EPHB3: variants seen among roughly 807,000 people sequenced by gnomAD.
EPHB3 encodes the protein EPH receptor B3, also known as ephrin type-B receptor 3.
In EPHB3, 33 loss-of-function variants were observed where a neutral mutation model predicts 100.2. That is an observed-to-expected ratio of 0.33 (90% CI 0.25 to 0.44). The LOEUF is 0.44. Among genes scored for constraint, EPHB3 ranks in the 20% least tolerant of loss-of-function variants. The probability of loss-of-function intolerance (pLI) is 1.00; values close to 1 mark genes in which losing one functional copy is unlikely to be tolerated. For missense variants in EPHB3, 1,045 were observed against 1,378.3 expected, an observed-to-expected ratio of 0.76 and a Z score of 3.83; for synonymous variants, 526 against 554.7, an observed-to-expected ratio of 0.95 and a Z score of 0.73.
At chr3:184,576,515 T>G (rs1460572325) in intron 4 of EPHB3, among the ~76,000 whole-genome samples, 1 of 152,024 alleles carries the variant, frequency 6.6e-6, no homozygotes, top group Non-Finnish European at 1.5e-5. Context: ...CACAACCTGG[T>G]GGGAGAAATA....
Position 184,578,676 on chromosome 3 carries a change from G to A in EPHB3, c.1801+210G>A, listed in dbSNP as rs3888139. 0.33 allele frequency among the ~76,000 whole-genome samples: 49,813 copies of A among 152,022 alleles called. 8,816 individuals are homozygous for A. The highest frequency in any genetic ancestry group is 0.45 in the African/African-American group (18,619 of 41,422). ...TGCTAGCCCCAGAAATGACTGAGAC[G>A]TGACCTCTCCCCCTAAAGGCAGTTA... On this transcript the variant is annotated intron_variant, in intron 9 of 15. Coordinates refer to ENST00000330394, the MANE Select transcript of EPHB3 (RefSeq NM_004443.4). The surrounding 1 kb of genome is among the most constrained non-coding windows in gnomAD (Gnocchi z 4.7).
chr3:184,570,438 G>A (rs1714510290), intron 1 of EPHB3, among the ~76,000 whole-genome samples: 1 of 152,168 alleles, frequency 6.6e-6, no homozygotes, highest in Non-Finnish European at 1.5e-5. Flanking sequence ...TCTGTAAAAG[G>A]GATACACCAA....
chr3:184,575,328 C>A, intron 3 of EPHB3: 1 of 721,312 alleles, frequency 1.4e-6, no homozygotes, highest in Non-Finnish European at 1.7e-6. Context: ...ACAGGAGCTG[C>A]TGCCTGCGCC....
chr3:184,580,294 T>C, intron 11 of EPHB3, 108 bp from the exon 12 acceptor site: 1 of 1,410,726 alleles, frequency 7.1e-7, no homozygotes, highest in Non-Finnish European at 9.9e-7. Context: ...TGGACATGGT[T>C]GCAGGAGAGA....
Position 184,581,346 on chromosome 3 carries a change from C to A in EPHB3, c.2826C>A (p.Tyr942Ter). The A allele has an allele frequency of 6.2e-7, 1 of 1,610,088 alleles. No homozygotes were observed. Among genetic ancestry groups the A allele is most frequent in the Non-Finnish European group, 8.5e-7 (1 of 1,177,800 alleles). ...TGGATGCCATCAAGATGGGGCGGTA[C>A]AAGGAGAGCTTCGTCAGTGCGGGGT... ...DWLDAIKMGR[Y>*]KESFVSAGFA... Residue 942 changes from tyrosine to a stop codon, truncating the protein, a stop_gained, in exon 15 of 16, where the codon TAC (tyrosine) becomes TAA (stop). Transcript: ENST00000330394. LOFTEE classifies it high-confidence loss of function.
At position 184,578,123 on chromosome 3, in the gene EPHB3, C is replaced by T. The variant is rs969262676; in HGVS notation, c.1748+117C>T. On this transcript the variant is annotated intron_variant, in intron 8 of 15. Transcript: ENST00000330394. This position sits in a 1 kb window ranked among gnomAD's most constrained non-coding sequence, Gnocchi z 4.7. Reference sequence around the variant, plus strand: ...CTTCCCTCAGACCCAGGGCCTTAGCCCTCCTGGGGCCAGCCGTTGCTGGAG... The same window carrying T: ...CTTCCCTCAGACCCAGGGCCTTAGCTCTCCTGGGGCCAGCCGTTGCTGGAG... The T allele has an allele frequency of 1.7e-6, 2 of 1,181,682 alleles. No homozygotes were observed. The highest frequency in any genetic ancestry group is 2.3e-6 in the Non-Finnish European group (2 of 852,420). The allele number at this position is 1,181,682 out of a possible 1,614,324, so 73.2% of individuals were successfully genotyped here. A position where few individuals can be genotyped will look rare whatever the true frequency, so the allele number is the denominator to read the frequency against.
chr3:184,570,489 G>A (rs1238233089), intron 1 of EPHB3, among the ~76,000 whole-genome samples: 2 of 152,244 alleles, frequency 1.3e-5, no homozygotes, highest in Non-Finnish European at 2.9e-5. Flanking sequence ...ATTGAACTAA[G>A]AGCTGGTTTG....
At position 184,572,385 on chromosome 3, in the gene EPHB3, C is replaced by T. The variant is rs1256235177; in HGVS notation, c.184-119C>T. ...AATTTGAGCCCATATAGCCTGTATG[C>T]TCAGCCACTGCACACCATAGAAGCA... On this transcript the variant is annotated intron_variant, in intron 2 of 15. Coordinates refer to ENST00000330394, the MANE Select transcript of EPHB3 (RefSeq NM_004443.4). The surrounding 1 kb of genome is among the most constrained non-coding windows in gnomAD (Gnocchi z 6.6). The T allele has an allele frequency of 1.2e-5, 14 of 1,178,090 alleles. No individual in the cohort carries two copies. Among genetic ancestry groups the T allele is most frequent in the Non-Finnish European group, 1.5e-5 (13 of 893,168 alleles). 73.0% of individuals were successfully genotyped at this position (1,178,090 alleles called of 1,614,324 possible).
intron 3 of EPHB3, chr3:184,575,040 G>A (rs1253306477): frequency 1.5e-6 from 1 of 688,606 alleles, no homozygotes; most frequent in Non-Finnish European, 1.8e-6. Context: ...TCCTAACACA[G>A]TTATTACTAG....
In EPHB3 at chr3:184,577,872, C is replaced by T. The variant is rs1714718300; in HGVS notation, c.1640-26C>T. The T allele has an allele frequency of 6.2e-7, 1 of 1,610,690 alleles. No individual in the cohort carries two copies. The highest frequency in any genetic ancestry group is 8.5e-7 in the Non-Finnish European group (1 of 1,177,990). On this transcript the variant is annotated intron_variant, in intron 7 of 15. Coordinates refer to ENST00000330394, the MANE Select transcript of EPHB3 (RefSeq NM_004443.4). This position sits in a 1 kb window ranked among gnomAD's most constrained non-coding sequence, Gnocchi z 4.9. The stretch of plus-strand genomic sequence containing the variant: ...GCGGCCCTCACTCTCTGTCCCTCCA[C>T]TCAGCAGCCCCTTCTCTATCTCCAG...
Position 184,575,939 on chromosome 3 carries a change from T to C in EPHB3, c.966T>C (p.Asn322=). The part of the protein sequence containing the change: ...SPAASICTCH[N]NFYRADSDSA... The stretch of plus-strand genomic sequence containing the variant: ...CCGCCAGCATCTGCACCTGCCACAA[T>C]AACTTCTACCGTGCAGACTCGGACT... Residue 322 remains asparagine (N), a synonymous_variant, in exon 4 of 16, where the codon AAT becomes AAC. Coordinates refer to ENST00000330394, the MANE Select transcript of EPHB3 (RefSeq NM_004443.4). 6.2e-7 allele frequency: 1 copy of C among 1,613,880 alleles called. No homozygotes were observed. Among genetic ancestry groups the C allele is most frequent in the Non-Finnish European group, 8.5e-7 (1 of 1,179,886 alleles).
Position 184,577,841 on chromosome 3 carries a change from C to T in EPHB3, c.1639+24C>T. 6.2e-7 allele frequency: 1 copy of T among 1,604,792 alleles called. No homozygotes were observed. Among genetic ancestry groups the T allele is most frequent in the Non-Finnish European group, 8.5e-7 (1 of 1,173,714 alleles). ...AGGTTAGTAGCCCCCTGCGCCTGTC[C>T]CCATCGCGGCCCTCACTCTCTGTCC... On this transcript the variant is annotated intron_variant, in intron 7 of 15. Coordinates refer to ENST00000330394, the MANE Select transcript of EPHB3 (RefSeq NM_004443.4). This position sits in a 1 kb window ranked among gnomAD's most constrained non-coding sequence, Gnocchi z 4.9.
chr3:184,566,265 A>T (rs998963869), intron 1 of EPHB3, among the ~76,000 whole-genome samples: 17 of 152,334 alleles, frequency 1.1e-4, no homozygotes, highest in Admixed American at 2.6e-4. Context: ...GGGGGCATGG[A>T]TGAGCACCGA....
In EPHB3 at chr3:184,578,247, A is replaced by G; in HGVS notation, c.1749-167A>G. ...GGTTCCCTAGGGACTGAGTCCACTG[A>G]ACCCCTTGCTCAGACACCCAGAGAC... On this transcript the variant is annotated intron_variant, in intron 8 of 15. Transcript: ENST00000330394. This position sits in a 1 kb window ranked among gnomAD's most constrained non-coding sequence, Gnocchi z 4.7. 31 of 1,038,696 alleles carry G rather than the reference A, an allele frequency of 3.0e-5. No individual in the cohort carries two copies. The highest frequency in any genetic ancestry group is 4.4e-5 in the Non-Finnish European group (31 of 710,696). The allele number at this position is 1,038,696 out of a possible 1,614,324, so 64.3% of individuals were successfully genotyped here. A position where few individuals can be genotyped will look rare whatever the true frequency, so the allele number is the denominator to read the frequency against.
chr3:184,580,552 T>G lies in EPHB3; in HGVS notation c.2323T>G (p.Ser775Ala). 1.9e-6 allele frequency: 3 copies of G among 1,614,206 alleles called. No homozygotes were observed. The highest frequency in any genetic ancestry group is 2.5e-6 in the Non-Finnish European group (3 of 1,180,022). The change falls in exon 12 of 16, where the codon TCA becomes GCA. Residue 775 changes from serine to alanine, a missense_variant. Ser to Ala is a moderately conservative substitution (Grantham distance 99, BLOSUM62 1). This residue lies in a region of EPHB3 where 985 missense variants were observed against 1,331.1 expected (regional missense o/e 0.74). Transcript: ENST00000330394. ...CAACAGCAACCTGGTCTGCAAAGTC[T>G]CAGACTTTGGCCTCTCCCGCTTCCT... ...LVNSNLVCKVSDFGLSRFLED... is the reference protein window; with the variant it reads ...LVNSNLVCKVADFGLSRFLED...
chr3:184,571,249 C>A lies in EPHB3; in HGVS notation c.119-69C>A. On this transcript the variant is annotated intron_variant, in intron 1 of 15. Transcript: ENST00000330394. This position sits in a 1 kb window ranked among gnomAD's most constrained non-coding sequence, Gnocchi z 5.0. ...GATTACAGGTGTGAGCCACTTCGCT[C>A]ATCTGTGATCTCTTCTGTCTCCTCA... 1 of 1,546,296 alleles carries A rather than the reference C, an allele frequency of 6.5e-7. No individual in the cohort carries two copies. The highest frequency in any genetic ancestry group is 8.9e-7 in the Non-Finnish European group (1 of 1,119,538).
rs1312705730 is a variant in EPHB3 at position 184,579,593 on chromosome 3, G to A, written c.1918G>A (p.Gly640Arg). The change falls in exon 10 of 16, where the codon GGA becomes AGA. Residue 640 changes from glycine to arginine, a missense_variant. Physicochemically the swap from Gly to Arg is moderately radical, Grantham distance 125. Coordinates refer to ENST00000330394, the MANE Select transcript of EPHB3 (RefSeq NM_004443.4). This position sits in a 1 kb window ranked among gnomAD's most constrained non-coding sequence, Gnocchi z 5.2. ...VSCVKIEEVI[G>R]AGEFGEVCRG... ...CTGCGTCAAGATCGAGGAGGTGATC[G>A]GAGCTGGTGAGTCTCCCGGGGCACA... The A allele has an allele frequency of 3.1e-6, 5 of 1,613,802 alleles. No homozygotes were observed. Among genetic ancestry groups the A allele is most frequent in the Admixed American group, 1.7e-5 (1 of 59,982 alleles).
rs72497184 is a variant in EPHB3 at position 184,576,177 on chromosome 3, G to A, written c.1012+192G>A. Among the ~76,000 whole-genome samples, 36 of 152,298 alleles carry A rather than the reference G, an allele frequency of 2.4e-4. No homozygotes were observed. The East Asian group carries it at 4.1e-3, about 17-fold the overall frequency. ...CCCTGAGCCAGAATCCAGGTCAGCC[G>A]GCTCGTCCCTTCCACCAACGCTTGC... On this transcript the variant is annotated intron_variant, in intron 4 of 15. Coordinates refer to ENST00000330394, the MANE Select transcript of EPHB3 (RefSeq NM_004443.4).
In EPHB3 at chr3:184,581,696, C is replaced by G. The variant is rs1714827868; in HGVS notation, c.*74C>G. On this transcript the variant is annotated 3_prime_UTR_variant, in exon 16 of 16. Coordinates refer to ENST00000330394, the MANE Select transcript of EPHB3 (RefSeq NM_004443.4). ...CCGGCTGGACTTTCGGACTCTTGGACTTTTGGATGCCTGGCCTTAGGCTGT... is the reference window on the plus strand; with the variant it reads ...CCGGCTGGACTTTCGGACTCTTGGAGTTTTGGATGCCTGGCCTTAGGCTGT... 2 of 1,378,132 alleles carry G rather than the reference C, an allele frequency of 1.5e-6. No homozygotes were observed. Among genetic ancestry groups the G allele is most frequent in the Admixed American group, 5.4e-5 (2 of 37,232 alleles). The allele number at this position is 1,378,132 out of a possible 1,614,324, so 85.4% of individuals were successfully genotyped here.
Sources: allele counts gnomAD v4.1 joint callset (sites outside exome capture counted in the v4.1 genomes callset), GRCh38; gene constraint gnomAD v4.1.1; regional missense constraint gnomAD v4.1.1; non-coding constraint Gnocchi (gnomAD v3.1); transcripts MANE v1.5; gene names NCBI Gene and HGNC (gene_info 2026-07-23, HGNC 2026-07-21).